DSC2: variants seen among roughly 807,000 people sequenced by gnomAD.
The protein encoded by DSC2 is desmocollin-2.
Under a neutral mutation model 87.6 loss-of-function variants are expected in DSC2, and 51 were observed. The observed-to-expected ratio is 0.58, with a 90% CI of 0.46 to 0.74. The LOEUF (loss-of-function observed/expected upper bound fraction) is 0.74. Ranked by LOEUF, DSC2 falls within the 30% of genes least tolerant of loss-of-function variation. DSC2 has a pLI of 0.00. For missense variants in DSC2, 1,066 were observed against 1,089.5 expected (o/e 0.98, Z 0.30); for synonymous variants, 383 against 393.2 (o/e 0.97, Z 0.31).
chr18:31,097,556 A>T (rs966151621), intron 1 of DSC2, among the ~76,000 whole-genome samples: 1 of 151,852 alleles, frequency 6.6e-6, no homozygotes, highest in Non-Finnish European at 1.5e-5. Flanking sequence ...AAAAGGCTAT[A>T]AGGAAAAAAT....
rs1987286966 is a variant in DSC2, at chr18:31,083,164, T to A, written c.943-104A>T. 2.3e-6 allele frequency: 3 copies of A among 1,297,714 alleles called. No individual in the cohort carries two copies. The South Asian group carries it at 4.0e-5, about 17-fold the overall frequency. 80.4% of individuals were successfully genotyped at this position (1,297,714 alleles called of 1,614,324 possible). A position where few individuals can be genotyped will look rare whatever the true frequency, so the allele number is the denominator to read the frequency against. ...TTTTTTGCACTAAGAATTTAAGAAG[T>A]GCATTATTACATTTCACAGCATTCG... On this transcript the variant is annotated intron_variant, in intron 7 of 15. Coordinates refer to ENST00000280904, the MANE Select transcript of DSC2 (RefSeq NM_024422.6).
chr18:31,091,486 T>A (rs557870890), intron 3 of DSC2: 57 of 475,224 alleles, frequency 1.2e-4, no homozygotes, highest in Non-Finnish European at 2.3e-4. Context: ...AGAAAATAAG[T>A]GTGTATGTGC....
rs946456350 is a variant in DSC2, at chr18:31,061,072, C to T, written c.*6943G>A. On this transcript the variant is annotated 3_prime_UTR_variant, in exon 16 of 16. Transcript: ENST00000280904. ...GTATTGAAAAGTGAAGGCTTCTATACTTTTCCCCTACTAGCCTGTTACTCC... is the reference window on the plus strand; with the variant it reads ...GTATTGAAAAGTGAAGGCTTCTATATTTTTCCCCTACTAGCCTGTTACTCC... 5 of 152,198 alleles carry T rather than the reference C, an allele frequency of 3.3e-5. No homozygotes were observed. The highest frequency in any genetic ancestry group is 3.3e-4 in the Admixed American group (5 of 15,268). 9.4% of individuals were successfully genotyped at this position (152,198 alleles called of 1,614,324 possible).
Position 31,079,939 on chromosome 18 carries a change from G to A in DSC2, c.1571C>T (p.Thr524Ile), listed in dbSNP as rs1987151707. Residue 524 changes from threonine to isoleucine, a missense_variant, in exon 11 of 16, where the codon ACA becomes ATA. Coordinates refer to ENST00000280904, the MANE Select transcript of DSC2 (RefSeq NM_024422.6). ...PTGWVTIDENTGSIKVFRSLD... is the reference protein window; with the variant it reads ...PTGWVTIDENIGSIKVFRSLD... ...GCTTCTGAAAACTTTGATTGATCCT[G>A]TATTTTCATCAATGGTGACCCACCC... 1 of 1,613,866 alleles carries A rather than the reference G, an allele frequency of 6.2e-7. No individual in the cohort carries two copies. The highest frequency in any genetic ancestry group is 8.5e-7 in the Non-Finnish European group (1 of 1,179,912).
intron 4 of DSC2, among the ~76,000 whole-genome samples, chr18:31,090,070 G>T (rs569071023): frequency 6.6e-6 from 1 of 151,660 alleles, no homozygotes; most frequent in South Asian, 2.1e-4. Flanking sequence ...TTCCTTATAG[G>T]AACTGAGTAA....
chr18:31,076,238 C>T (rs1277986295), intron 11 of DSC2, among the ~76,000 whole-genome samples: 1 of 152,066 alleles, frequency 6.6e-6, no homozygotes, highest in Admixed American at 6.6e-5. Context: ...CGTGATAGAG[C>T]CAGCGTCATC....
Position 31,065,999 on chromosome 18 carries a change from T to A in DSC2, c.*2016A>T, listed in dbSNP as rs1986606199. ...ACTTGTTTAAAATCATTTATTATTATCAGGAGTGCCTTTTAGGTGGACCGC... is the reference window on the plus strand; with the variant it reads ...ACTTGTTTAAAATCATTTATTATTAACAGGAGTGCCTTTTAGGTGGACCGC... On this transcript the variant is annotated 3_prime_UTR_variant, in exon 16 of 16. Transcript: ENST00000280904. 1 of 152,196 alleles carries A rather than the reference T, an allele frequency of 6.6e-6. No homozygotes were observed. Among genetic ancestry groups the A allele is most frequent in the Non-Finnish European group, 1.5e-5 (1 of 68,030 alleles). The allele number at this position is 152,196 out of a possible 1,614,324, so 9.4% of individuals were successfully genotyped here.
chr18:31,087,523 C>T (rs12968130), intron 6 of DSC2, 146 bp downstream of exon 6: 3 of 966,552 alleles, frequency 3.1e-6, no homozygotes, highest in Non-Finnish European at 4.7e-6. Context: ...AAGCATCACA[C>T]AGCTAGTGAA....
intron 9 of DSC2, among the ~76,000 whole-genome samples, chr18:31,081,417 T>A (rs767948326): frequency 1.3e-5 from 2 of 152,148 alleles, no homozygotes; most frequent in African/African-American, 2.4e-5. Context: ...TTCACACAAA[T>A]TTCCTTCTGA....
At chr18:31,083,093 G>A (rs1987285130) in intron 7 of DSC2, 33 bp from the exon 8 acceptor site, 1 of 1,599,258 alleles carries the variant, frequency 6.3e-7, no homozygotes, top group Non-Finnish European at 8.5e-7. Context: ...ATTATTGGGG[G>A]AAAGCACCAA....
chr18:31,090,711 T>G (rs1987563362), intron 4 of DSC2, among the ~76,000 whole-genome samples: 2 of 152,180 alleles, frequency 1.3e-5, no homozygotes, highest in African/African-American at 4.8e-5. Context: ...TTTCATCCAA[T>G]TTTCTCCTTT....
Position 31,068,328 on chromosome 18 carries a change from T to C in DSC2, c.2509-116A>G, listed in dbSNP as rs746058773. ...CATTGTTTAATTTTTAATCAGAGTGTGTCCTCTAATGGATTCCTATACATA... is the reference window on the plus strand; with the variant it reads ...CATTGTTTAATTTTTAATCAGAGTGCGTCCTCTAATGGATTCCTATACATA... On this transcript the variant is annotated intron_variant, in intron 15 of 15. Transcript: ENST00000280904. 8.1e-6 allele frequency: 13 copies of C among 1,613,128 alleles called. No individual in the cohort carries two copies. Among genetic ancestry groups the C allele is most frequent in the African/African-American group, 1.3e-5 (1 of 74,916 alleles).
chr18:31,087,572 C>G (rs1987441051), intron 6 of DSC2, 97 bp downstream of exon 6: 1 of 1,385,306 alleles, frequency 7.2e-7, no homozygotes, highest in East Asian at 2.3e-5. Context: ...CTTATTCTTG[C>G]TGCTGGGATA....
chr18:31,101,708 G>A, intron 1 of DSC2, 195 bp downstream of exon 1: 1 of 600,134 alleles, frequency 1.7e-6, no homozygotes, highest in Non-Finnish European at 2.9e-6. Context: ...CTTCCCTTGG[G>A]GATCCCAACT....
At chr18:31,071,033 A>AAGTTTAAAT (rs1555637493) in intron 13 of DSC2, among the ~76,000 whole-genome samples, 183 bp from the exon 14 acceptor site, 2 of 152,164 alleles carry the variant, frequency 1.3e-5, no homozygotes, top group African/African-American at 2.4e-5. Flanking sequence ...TGCTATTTAA[A>AAGTTTAAAT]AGTTTAAATA....
In DSC2 at chr18:31,068,144, A is replaced by T. The variant is rs767866098; in HGVS notation, c.2577T>A (p.Tyr859Ter). Residue 859 changes from tyrosine (Y) to a stop codon, truncating the protein, a stop_gained, in exon 16 of 16, where the codon TAT becomes TAA. Transcript: ENST00000280904. LOFTEE classifies it high-confidence loss of function. ...HAQDYVLTYN[Y>*]EGRGSVAGSV... is the part of the protein sequence containing the mutation. ...ACCCAGCCACCGATCCTCTTCCTTC[A>T]TAGTTATATGTCAGGACATAGTCTT... 1 of 1,614,042 alleles carries T rather than the reference A, an allele frequency of 6.2e-7. No individual in the cohort carries two copies. Among genetic ancestry groups the T allele is most frequent in the Non-Finnish European group, 8.5e-7 (1 of 1,180,002 alleles).
rs937307425 is a variant in DSC2, at chr18:31,067,857, T to C, written c.*158A>G. 1.6e-5 allele frequency: 11 copies of C among 677,660 alleles called. No homozygotes were observed. The highest frequency in any genetic ancestry group is 2.5e-5 in the Non-Finnish European group (10 of 401,714). The allele number at this position is 677,660 out of a possible 1,614,324, so 42.0% of individuals were successfully genotyped here. On this transcript the variant is annotated 3_prime_UTR_variant, in exon 16 of 16. Coordinates refer to ENST00000280904, the MANE Select transcript of DSC2 (RefSeq NM_024422.6). ...GAAAAATTTGTGTACTTGTTTATAG[T>C]GTCTCTCTGTAAATGTGCATTTGAC... is the stretch of plus-strand genomic sequence containing the variant.
chr18:31,071,890 T>G, intron 12 of DSC2, 49 bp from the exon 13 acceptor site: 1 of 1,477,574 alleles, frequency 6.8e-7, no homozygotes, highest in Non-Finnish European at 9.4e-7. Flanking sequence ...GTCACTGATT[T>G]CTTCTGAACA....
Position 31,065,791 on chromosome 18 carries a change from A to T in DSC2, c.*2224T>A, listed in dbSNP as rs1446410351. ...TTACAGTTTCACAGTGTTTCAAACC[A>T]GGCAATCCCATACGAATGCCTCAGC... is the stretch of plus-strand genomic sequence containing the variant. On this transcript the variant is annotated 3_prime_UTR_variant, in exon 16 of 16. Transcript: ENST00000280904. 6.6e-6 allele frequency: 1 copy of T among 152,216 alleles called. No individual in the cohort carries two copies. Among genetic ancestry groups the T allele is most frequent in the Non-Finnish European group, 1.5e-5 (1 of 68,032 alleles). The allele number at this position is 152,216 out of a possible 1,614,324, so 9.4% of individuals were successfully genotyped here.
Sources: allele counts gnomAD v4.1 joint callset (sites outside exome capture counted in the v4.1 genomes callset), GRCh38; gene constraint gnomAD v4.1.1; transcripts MANE v1.5; gene names NCBI Gene and HGNC (gene_info 2026-07-23, HGNC 2026-07-21).